UPF2: variants seen among roughly 807,000 people sequenced by gnomAD.
The protein encoded by UPF2 is UPF2 regulator of nonsense mediated mRNA decay.
UPF2 carries 17 observed loss-of-function variants against 141.4 expected under a neutral mutation model. The ratio of observed to expected loss-of-function variants is 0.12; its 90% CI spans 0.08 to 0.18. The LOEUF (loss-of-function observed/expected upper bound fraction) is 0.18, where lower values mean the gene tolerates loss of function less well. Ranked by LOEUF, UPF2 falls within the 10% of genes least tolerant of loss-of-function variation. The probability of loss-of-function intolerance (pLI) is 1.00; values close to 1 mark genes in which losing one functional copy is unlikely to be tolerated. For missense variants in UPF2, 1,152 were observed against 1,515.9 expected (o/e 0.76, Z 3.99); for synonymous variants, 540 against 498.0 (o/e 1.08, Z -1.12).
At chr10:11,966,722 C>T (rs1348150326) in intron 10 of UPF2, among the ~76,000 whole-genome samples, 1 of 152,220 alleles carries the variant, frequency 6.6e-6, no homozygotes, top group Non-Finnish European at 1.5e-5. Flanking sequence ...CCACGCCCAG[C>T]CCTTCATTTC....
At chr10:11,997,895 G>A in intron 7 of UPF2, 138 bp from the exon 8 acceptor site, 1 of 822,970 alleles carries the variant, frequency 1.2e-6, no homozygotes, top group Admixed American at 2.7e-5. Context: ...TTAGTATCAG[G>A]AAAGTTTTCT....
Position 12,016,871 on chromosome 10 carries a change from T to C in UPF2, c.1146-2687A>G, listed in dbSNP as rs1834230639. 6.6e-6 allele frequency among the ~76,000 whole-genome samples: 1 copy of C among 150,996 alleles called. No homozygotes were observed. The highest frequency in any genetic ancestry group is 2.4e-5 in the African/African-American group (1 of 41,002). The stretch of plus-strand genomic sequence containing the variant: ...ACTCGTCTCTACAAAAACATAAAAA[T>C]TAGCCGGGCACGATGGTGGGTGCCT... On this transcript the variant is annotated intron_variant, in intron 3 of 21. Transcript: ENST00000357604. The surrounding 1 kb of genome is among the most constrained non-coding windows in gnomAD (Gnocchi z 4.1).
intron 8 of UPF2, among the ~76,000 whole-genome samples, chr10:11,989,530 T>C (rs1301042819): frequency 6.6e-6 from 1 of 152,202 alleles, no homozygotes; most frequent in Non-Finnish European, 1.5e-5. Context: ...AAGACTGTCC[T>C]CTACCAGCCA....
intron 14 of UPF2, among the ~76,000 whole-genome samples, 163 bp from the exon 15 acceptor site, chr10:11,952,412 C>T (rs933531560): frequency 1.3e-5 from 2 of 151,474 alleles, no homozygotes; most frequent in African/African-American, 4.9e-5. Context: ...GATCCTATTC[C>T]AATCATTTCC....
chr10:11,954,503 G>A (rs1833117649), intron 14 of UPF2, among the ~76,000 whole-genome samples: 1 of 151,554 alleles, frequency 6.6e-6, no homozygotes, highest in Non-Finnish European at 1.5e-5. Context: ...GTGTGGTGGA[G>A]TACACCTGTA....
At chr10:12,023,920 G>A (rs1033159162) in intron 3 of UPF2, among the ~76,000 whole-genome samples, 2 of 147,336 alleles carry the variant, frequency 1.4e-5, no homozygotes, top group Non-Finnish European at 3.0e-5. Flanking sequence ...GCTGGGAGGT[G>A]GAGGCTGCAG....
chr10:11,960,827 C>A (rs1013168010), intron 11 of UPF2, among the ~76,000 whole-genome samples: 3 of 151,322 alleles, frequency 2.0e-5, no homozygotes, highest in Admixed American at 6.6e-5. Flanking sequence ...TGCACTGGCT[C>A]ATGCCTGTAA....
At chr10:11,942,140 G>A (rs544572257) in intron 18 of UPF2, among the ~76,000 whole-genome samples, 3 of 152,160 alleles carry the variant, frequency 2.0e-5, no homozygotes, top group Admixed American at 1.3e-4. Flanking sequence ...TTGGGAGGCC[G>A]TAGCAGGAGG....
intron 4 of UPF2, among the ~76,000 whole-genome samples, chr10:12,006,913 G>C (rs982180855): frequency 6.6e-6 from 1 of 152,108 alleles, no homozygotes; most frequent in South Asian, 2.1e-4. Flanking sequence ...CAGAAAGACC[G>C]AGTGATTACA....
chr10:11,993,533 A>T (rs1833816434), intron 8 of UPF2, among the ~76,000 whole-genome samples: 1 of 151,604 alleles, frequency 6.6e-6, no homozygotes, highest in African/African-American at 2.4e-5. Flanking sequence ...TTCCAAAAAA[A>T]AAACCAGACA....
rs1833953657 is a variant in UPF2 at position 12,001,602 on chromosome 10, G to A, written c.1654+74C>T. The A allele has an allele frequency of 2.2e-6, 3 of 1,355,302 alleles. No individual in the cohort carries two copies. The East Asian group carries it at 7.1e-5, about 32-fold the overall frequency. 84.0% of individuals were successfully genotyped at this position (1,355,302 alleles called of 1,614,324 possible). On this transcript the variant is annotated intron_variant, in intron 6 of 21. Transcript: ENST00000357604. ...AAAAAATACAGAATTAAGGAGAAAA[G>A]ATCTATATTCTTAGGCAAGAGCTCT...
intron 3 of UPF2, chr10:12,026,554 C>CTG (rs1285827890): frequency 3.5e-5 from 15 of 432,334 alleles, no homozygotes; most frequent in Non-Finnish European, 5.9e-5. Flanking sequence ...CTCAAACCAT[C>CTG]TGTGGTAAAG....
rs891417715 is a variant in UPF2, at chr10:11,929,390, T to C, written c.3809+475A>G. Among the ~76,000 whole-genome samples the C allele has an allele frequency of 2.6e-4, 39 of 152,174 alleles. 1 individual carries two copies. Among genetic ancestry groups the C allele is most frequent in the Admixed American group, 7.2e-4 (11 of 15,276 alleles). ...CAAGATCTAGCTGAAACCAATGTCT[T>C]TGTAAGAACAGCCACGTGGGCAGAT... On this transcript the variant is annotated intron_variant, in intron 21 of 21. Coordinates refer to ENST00000357604, the MANE Select transcript of UPF2 (RefSeq NM_015542.4).
intron 8 of UPF2, among the ~76,000 whole-genome samples, chr10:11,993,292 T>C (rs1833811845): frequency 6.6e-6 from 1 of 152,144 alleles, no homozygotes; most frequent in African/African-American, 2.4e-5. Flanking sequence ...AATTAAGTTT[T>C]ATCTATACAA....
intron 3 of UPF2, among the ~76,000 whole-genome samples, chr10:12,026,156 C>A (rs1462481471): frequency 6.6e-6 from 1 of 152,034 alleles, no homozygotes; most frequent in Admixed American, 6.6e-5. Context: ...AAATAATATA[C>A]AAAAAGCATC....
chr10:12,009,858 T>C (rs980779915), intron 4 of UPF2, among the ~76,000 whole-genome samples: 6 of 152,328 alleles, frequency 3.9e-5, no homozygotes, highest in African/African-American at 1.4e-4. Context: ...TCAGCTCCTA[T>C]GTATAAGGAA....
chr10:11,996,110 G>T (rs538300475), intron 8 of UPF2, among the ~76,000 whole-genome samples: 1 of 152,040 alleles, frequency 6.6e-6, no homozygotes, highest in Non-Finnish European at 1.5e-5. Flanking sequence ...AGATGATCTT[G>T]TTCACCCCTG....
At position 11,935,787 on chromosome 10, in the gene UPF2, T is replaced by C. The variant is rs948598830; in HGVS notation, c.3546+758A>G. The stretch of plus-strand genomic sequence containing the variant: ...CTGAAATAGAATAGTACCTGGCACG[T>C]AGTGATGCTCAATAGTTGACAAATC... On this transcript the variant is annotated intron_variant, in intron 19 of 21. Coordinates refer to ENST00000357604, the MANE Select transcript of UPF2 (RefSeq NM_015542.4). This position sits in a 1 kb window ranked among gnomAD's most constrained non-coding sequence, Gnocchi z 4.9. Among the ~76,000 whole-genome samples the C allele has an allele frequency of 3.3e-5, 5 of 152,168 alleles. No individual in the cohort carries two copies. The highest frequency in any genetic ancestry group is 5.9e-5 in the Non-Finnish European group (4 of 68,026).
chr10:11,983,607 C>T (rs1441218850), intron 8 of UPF2, among the ~76,000 whole-genome samples: 2 of 152,060 alleles, frequency 1.3e-5, no homozygotes. Flanking sequence ...CTCCTGAACT[C>T]GTGATCCACC....
Sources: allele counts gnomAD v4.1 joint callset (sites outside exome capture counted in the v4.1 genomes callset), GRCh38; gene constraint gnomAD v4.1.1; non-coding constraint Gnocchi (gnomAD v3.1); transcripts MANE v1.5; gene names NCBI Gene and HGNC (gene_info 2026-07-23, HGNC 2026-07-21).